Variants in PLCE1 observed in about 807,000 individuals in gnomAD.
PLCE1 encodes the protein phospholipase C epsilon 1, also known as 1-phosphatidylinositol 4,5-bisphosphate phosphodiesterase epsilon-1.
In PLCE1, 119 loss-of-function variants were observed where a neutral mutation model predicts 242.8. That is an observed-to-expected ratio of 0.49 (90% confidence interval 0.42 to 0.57). PLCE1 has a LOEUF of 0.57. PLCE1 is among the 20% of genes least tolerant of loss of function. The probability of loss-of-function intolerance (pLI) is 0.00; values close to 1 mark genes in which losing one functional copy is unlikely to be tolerated. For synonymous variants in PLCE1, 945 were observed against 1,017.4 expected (o/e 0.93, Z 1.35); for missense variants, 2,441 against 2,788.8 (o/e 0.88, Z 2.81).
At chr10:94,050,714 A>C (rs986907121) in intron 2 of PLCE1, among the ~76,000 whole-genome samples, 1 of 152,160 alleles carries the variant, frequency 6.6e-6, no homozygotes, top group Non-Finnish European at 1.5e-5. Context: ...TTTAAAAGAA[A>C]ACAAAAAAAT....
chr10:94,110,789 C>T lies in PLCE1; in HGVS notation c.1207-21385C>T, dbSNP rs1564698271. ...CTGAAAACAGAAGCATCATCCTTCT[C>T]TGTTGGTAATTTTCAGCTTGATTTG... On this transcript the variant is annotated intron_variant, in intron 2 of 32. Coordinates refer to ENST00000371380, the MANE Select transcript of PLCE1 (RefSeq NM_016341.4). Among the ~76,000 whole-genome samples, 3 of 152,310 alleles carry T rather than the reference C, an allele frequency of 2.0e-5. No individual in the cohort carries two copies. The South Asian group carries it at 6.2e-4, about 32-fold the overall frequency.
chr10:94,306,379 C>G lies in PLCE1; in HGVS notation c.5623-48C>G. The G allele has an allele frequency of 6.2e-7, 1 of 1,613,960 alleles. No homozygotes were observed. On this transcript the variant is annotated intron_variant, in intron 25 of 32. Transcript: ENST00000371380. The surrounding 1 kb of genome is among the most constrained non-coding windows in gnomAD (Gnocchi z 5.7). The stretch of plus-strand genomic sequence containing the variant: ...GCAGTGAGGTGCAGAGGTTGTCTTT[C>G]TTTTTTATCCTCGGTGACTTTGATC...
intron 1 of PLCE1, among the ~76,000 whole-genome samples, chr10:94,020,351 T>G (rs2134363872): frequency 6.6e-6 from 1 of 152,328 alleles, no homozygotes; most frequent in Admixed American, 6.5e-5. Context: ...ATAGGGTAAT[T>G]TGTCTTATGA....
chr10:94,043,408 C>A (rs991894303), intron 2 of PLCE1, among the ~76,000 whole-genome samples: 1 of 152,078 alleles, frequency 6.6e-6, no homozygotes, highest in African/African-American at 2.4e-5. Flanking sequence ...TCATTTTATC[C>A]CTATGTTTTA....
At chr10:94,045,596 T>A (rs1268953926) in intron 2 of PLCE1, among the ~76,000 whole-genome samples, 2 of 152,228 alleles carry the variant, frequency 1.3e-5, no homozygotes, top group African/African-American at 4.8e-5. Context: ...ATCTCTAAAA[T>A]ATTATAAAAA....
chr10:94,212,538 G>A (rs1056397102), intron 4 of PLCE1, among the ~76,000 whole-genome samples: 1 of 152,128 alleles, frequency 6.6e-6, no homozygotes, highest in African/African-American at 2.4e-5. Flanking sequence ...TTACAGGCAT[G>A]AGCCACCACG....
chr10:94,195,085 T>C (rs557079780), intron 4 of PLCE1, among the ~76,000 whole-genome samples: 4 of 152,324 alleles, frequency 2.6e-5, no homozygotes, highest in African/African-American at 9.6e-5. Flanking sequence ...TTCTCAACAC[T>C]CTTTGGCCCA....
At chr10:94,075,790 T>C (rs2044482294) in intron 2 of PLCE1, among the ~76,000 whole-genome samples, 1 of 152,240 alleles carries the variant, frequency 6.6e-6, no homozygotes, top group South Asian at 2.1e-4. Context: ...TCAGAATGCG[T>C]TCTGCTGTTC....
intron 30 of PLCE1, among the ~76,000 whole-genome samples, chr10:94,323,702 A>T (rs1181796811): frequency 6.6e-6 from 1 of 152,210 alleles, no homozygotes; most frequent in African/African-American, 2.4e-5. Flanking sequence ...CTTAGTTAAT[A>T]TTAGCCATCT....
intron 2 of PLCE1, among the ~76,000 whole-genome samples, chr10:94,127,510 A>T (rs2046469654): frequency 6.6e-6 from 1 of 152,196 alleles, no homozygotes; most frequent in Non-Finnish European, 1.5e-5. Context: ...TCTCCAATGT[A>T]CAGGTATTTT....
At chr10:94,014,808 A>G (rs1335678690) in intron 1 of PLCE1, among the ~76,000 whole-genome samples, 2 of 152,204 alleles carry the variant, frequency 1.3e-5, no homozygotes, top group African/African-American at 4.8e-5. Flanking sequence ...GGTGCCTGCT[A>G]AAAATGCAGA....
chr10:94,331,358 A>T lies in PLCE1; in HGVS notation c.*3415A>T, dbSNP rs1034585541. On this transcript the variant is annotated 3_prime_UTR_variant, in exon 33 of 33. Transcript: ENST00000371380. ...CCTTCCTTTCTTCTCTCCTCTTCCAATATCTCTATAGACTTCTGTCCTCTG... is the reference window on the plus strand; with the variant it reads ...CCTTCCTTTCTTCTCTCCTCTTCCATTATCTCTATAGACTTCTGTCCTCTG... 6.6e-6 allele frequency: 1 copy of T among 152,154 alleles called. No homozygotes were observed. Among genetic ancestry groups the T allele is most frequent in the Non-Finnish European group, 1.5e-5 (1 of 68,038 alleles). 9.4% of individuals were successfully genotyped at this position (152,154 alleles called of 1,614,324 possible).
At chr10:94,058,883 A>G (rs916821547) in intron 2 of PLCE1, among the ~76,000 whole-genome samples, 1 of 152,190 alleles carries the variant, frequency 6.6e-6, no homozygotes, top group African/African-American at 2.4e-5. Flanking sequence ...AGCAAAACCA[A>G]AAAATAAAAA....
At chr10:94,105,283 ACT>A (rs1698304276) in intron 2 of PLCE1, 1 of 152,052 alleles carries the variant, frequency 6.6e-6, no homozygotes, top group Admixed American at 6.6e-5. Flanking sequence ...GTTGAGGTAA[ACT>A]CTGAAAAGCT....
chr10:94,235,797 T>C (rs1364793373), intron 6 of PLCE1, 118 bp from the exon 7 acceptor site: 1 of 1,457,868 alleles, frequency 6.9e-7, no homozygotes, highest in Non-Finnish European at 9.2e-7. Context: ...CTTGTTTTCT[T>C]TCCCATAAAA....
chr10:94,095,825 T>G (rs2045288581), intron 2 of PLCE1, among the ~76,000 whole-genome samples: 1 of 152,142 alleles, frequency 6.6e-6, no homozygotes, highest in African/African-American at 2.4e-5. Flanking sequence ...CAGGTGGGAT[T>G]TGAGCCCTTT....
chr10:94,028,593 G>T (rs2061496977), intron 1 of PLCE1, among the ~76,000 whole-genome samples: 1 of 152,024 alleles, frequency 6.6e-6, no homozygotes, highest in African/African-American at 2.4e-5. Flanking sequence ...CAAAGAATTT[G>T]TGGACATATT....
intron 6 of PLCE1, 133 bp from the exon 7 acceptor site, chr10:94,235,782 A>G (rs1036833392): frequency 1.4e-6 from 2 of 1,462,514 alleles, no homozygotes; most frequent in South Asian, 1.4e-5. Flanking sequence ...TTTTTCCTGG[A>G]GGCTCTTGTT....
chr10:94,239,191 G>C (rs1400579694), intron 7 of PLCE1, among the ~76,000 whole-genome samples: 1 of 152,202 alleles, frequency 6.6e-6, no homozygotes, highest in Non-Finnish European at 1.5e-5. Flanking sequence ...TTCTGAGGGT[G>C]ATATGGTTTG....
Sources: allele counts gnomAD v4.1 joint callset (sites outside exome capture counted in the v4.1 genomes callset), GRCh38; gene constraint gnomAD v4.1.1; non-coding constraint Gnocchi (gnomAD v3.1); transcripts MANE v1.5; gene names NCBI Gene and HGNC (gene_info 2026-07-23, HGNC 2026-07-21).